The following TENM2 variants were observed in gnomAD, a reference collection of about 807,000 sequenced individuals.
TENM2 encodes teneurin-2.
Under a neutral mutation model 245.2 loss-of-function variants are expected in TENM2, and 52 were observed. The ratio of observed to expected loss-of-function variants is 0.21; its 90% confidence interval spans 0.17 to 0.27. The LOEUF is 0.27. TENM2 is among the 10% of genes least tolerant of loss of function. The pLI is 1.00. For synonymous variants in TENM2, 1,363 were observed against 1,438.9 expected, an observed-to-expected ratio of 0.95 and a Z score of 1.19; for missense variants, 3,046 against 3,666.8, an observed-to-expected ratio of 0.83 and a Z score of 4.37.
At chr5:167,820,360 C>G (rs1318148841) in intron 2 of TENM2, among the ~76,000 whole-genome samples, 1 of 152,162 alleles carries the variant, frequency 6.6e-6, no homozygotes, top group Non-Finnish European at 1.5e-5. Context: ...TAGCGTACCT[C>G]GCTTTGTGCA....
chr5:167,813,389 A>G (rs1157791053), intron 2 of TENM2, among the ~76,000 whole-genome samples: 1 of 103,070 alleles, frequency 9.7e-6, no homozygotes, highest in South Asian at 2.3e-4. Context: ...CAAGTTCTGC[A>G]CACACACACA....
In TENM2 at chr5:168,235,968, A is replaced by T. The variant is rs766024051; in HGVS notation, c.5520+7838A>T. ...AATTTCCCAGGCATGGAGTTGGGGG[A>T]AAAGCCTCTATGCTAAAGCCCTAGC... is the stretch of plus-strand genomic sequence containing the variant. On this transcript the variant is annotated intron_variant, in intron 25 of 28. Transcript: ENST00000518659. Among the ~76,000 whole-genome samples the T allele has an allele frequency of 7.9e-5, 12 of 152,254 alleles. 1 individual carries two copies. Among genetic ancestry groups the T allele is most frequent in the African/African-American group, 2.4e-4 (10 of 41,552 alleles).
chr5:167,252,295 A>G, the TENM2 span, among the ~76,000 whole-genome samples: 6 of 152,194 alleles, frequency 3.9e-5, no homozygotes, highest in Admixed American at 3.9e-4. Flanking sequence ...TGGGGAAATT[A>G]TTAGCTATTA....
chr5:166,994,112 C>T, the TENM2 span, among the ~76,000 whole-genome samples: 1 of 152,128 alleles, frequency 6.6e-6, no homozygotes, highest in South Asian at 2.1e-4. Flanking sequence ...GCCAGGTTAC[C>T]TCTGCACCCT....
intron 3 of TENM2, among the ~76,000 whole-genome samples, chr5:167,947,239 T>C (rs1207756173): frequency 6.6e-6 from 1 of 152,214 alleles, no homozygotes; most frequent in Non-Finnish European, 1.5e-5. Context: ...ATAGTTGCTA[T>C]AGCTGCCATT....
intron 2 of TENM2, among the ~76,000 whole-genome samples, chr5:167,865,222 G>T (rs777418796): frequency 6.6e-6 from 1 of 152,198 alleles, no homozygotes; most frequent in Non-Finnish European, 1.5e-5. Flanking sequence ...AGTAGCTCCT[G>T]AAGGTGAGAA....
At chr5:168,125,189 A>G in intron 11 of TENM2, 139 bp downstream of exon 13, 2 of 758,006 alleles carry the variant, frequency 2.6e-6, no homozygotes, top group Non-Finnish European at 4.2e-6. Context: ...TGTCTTTCTC[A>G]TTCTCTTCTC....
At chr5:167,412,876 A>C (rs2127407693) in intron 2 of TENM2, among the ~76,000 whole-genome samples, 1 of 96,476 alleles carries the variant, frequency 1.0e-5, no homozygotes, top group African/African-American at 2.9e-5. Context: ...TGTCATCGAA[A>C]GCAAAAAAAA....
At chr5:167,433,037 C>A (rs766735871) in intron 2 of TENM2, among the ~76,000 whole-genome samples, 7 of 151,976 alleles carry the variant, frequency 4.6e-5, no homozygotes, top group Non-Finnish European at 8.8e-5. Context: ...TTTCTGTTTT[C>A]TTTTGCTCTG....
intron 9 of TENM2, among the ~76,000 whole-genome samples, chr5:168,099,129 C>T (rs1248308210): frequency 6.6e-6 from 1 of 152,004 alleles, no homozygotes. Flanking sequence ...AGGCTGGTCT[C>T]GAACTCCTGA....
intron 3 of TENM2, among the ~76,000 whole-genome samples, chr5:167,891,809 G>A (rs190877945): frequency 1.3e-5 from 2 of 152,198 alleles, no homozygotes; most frequent in East Asian, 3.9e-4. Context: ...CAGGTCCTTG[G>A]CTTCCTTCTG....
chr5:167,118,550 G>T, the TENM2 span, among the ~76,000 whole-genome samples: 1 of 152,106 alleles, frequency 6.6e-6, no homozygotes, highest in East Asian at 1.9e-4. Context: ...TCAAAGAAAT[G>T]GAAAATTAGT....
chr5:167,614,357 A>T (rs1373786920), intron 2 of TENM2, among the ~76,000 whole-genome samples: 2 of 152,056 alleles, frequency 1.3e-5, no homozygotes, highest in East Asian at 3.9e-4. Flanking sequence ...TTTGCATAGG[A>T]TCCTCTCCTT....
chr5:167,419,197 C>T (rs924752575), intron 2 of TENM2, among the ~76,000 whole-genome samples: 1 of 150,650 alleles, frequency 6.6e-6, no homozygotes, highest in Non-Finnish European at 1.5e-5. Context: ...TAAGGTGGCT[C>T]ATGCCTGTAA....
chr5:167,024,165 G>A, the TENM2 span, among the ~76,000 whole-genome samples: 4 of 152,202 alleles, frequency 2.6e-5, no homozygotes, highest in African/African-American at 7.2e-5. Context: ...TTTACCAAAA[G>A]TGAGTGTTAA....
rs539831902 is a variant in TENM2, at chr5:167,669,798, G to T, written c.503-206188G>T. The stretch of plus-strand genomic sequence containing the variant: ...GTGTAGCTTTCTTAGACAAACCGTG[G>T]TTGTAAGTTATAGCTGCTCTTTACT... On this transcript the variant is annotated intron_variant, in intron 2 of 28. Coordinates refer to ENST00000518659, the Ensembl canonical transcript of TENM2. Among the ~76,000 whole-genome samples the T allele has an allele frequency of 9.2e-5, 14 of 152,100 alleles. No individual in the cohort carries two copies. The South Asian group carries it at 2.9e-3, about 32-fold the overall frequency.
At chr5:168,036,687 A>ATGTATG (rs1336639188) in intron 5 of TENM2, among the ~76,000 whole-genome samples, 2 of 118,088 alleles carry the variant, frequency 1.7e-5, no homozygotes, top group African/African-American at 8.1e-5. Context: ...GTATATATAT[A>ATGTATG]TATATATATA....
intron 5 of TENM2, among the ~76,000 whole-genome samples, chr5:168,025,621 C>T (rs998358591): frequency 1.3e-5 from 2 of 152,162 alleles, no homozygotes; most frequent in African/African-American, 4.8e-5. Flanking sequence ...GGTTTCCTTC[C>T]ATGTTCTCTT....
the TENM2 span, among the ~76,000 whole-genome samples, chr5:167,250,843 T>C: frequency 6.6e-6 from 1 of 152,322 alleles, no homozygotes; most frequent in South Asian, 2.1e-4. Context: ...GAGCAGCTAC[T>C]GAAAAGTATG....
Sources: gnomAD v4.1 joint callset for allele counts (sites outside exome capture counted in the v4.1 genomes callset) on GRCh38, gnomAD v4.1.1 for gene constraint, MANE v1.5 for transcripts, NCBI Gene and HGNC (gene_info 2026-07-23, HGNC 2026-07-21) for gene names.